GSTCD: variants seen among roughly 807,000 people sequenced by gnomAD.
GSTCD encodes the protein glutathione S-transferase C-terminal domain-containing protein.
GSTCD carries 44 observed loss-of-function variants against 68.3 expected under a neutral mutation model. That is an observed-to-expected ratio of 0.64 (90% CI 0.51 to 0.83). The LOEUF is 0.83. GSTCD is among the 40% of genes least tolerant of loss of function. GSTCD has a pLI of 0.00. For missense variants in GSTCD, 739 were observed against 735.9 expected (o/e 1.00, Z -0.05); for synonymous variants, 273 against 255.2 (o/e 1.07, Z -0.67).
intron 5 of GSTCD, among the ~76,000 whole-genome samples, chr4:105,791,645 G>A (rs534872861): frequency 6.6e-6 from 1 of 151,870 alleles, no homozygotes; most frequent in South Asian, 2.1e-4. Context: ...TTTAAAAATT[G>A]TCTATTTTCT....
At chr4:105,800,733 AGTT>A (rs1736075652) in intron 5 of GSTCD, among the ~76,000 whole-genome samples, 1 of 152,172 alleles carries the variant, frequency 6.6e-6, no homozygotes, top group East Asian at 1.9e-4. Context: ...TATTCGTAGT[AGTT>A]ATGTTTTATG....
At position 105,710,232 on chromosome 4, in the gene GSTCD, A is replaced by ATTTTTTTTTTTT. The variant is rs761574598; in HGVS notation, c.-22+1228_-22+1239dup. On this transcript the variant is annotated intron_variant, in intron 1 of 11. Transcript: ENST00000515279. ...AGCTTCTGTAGTAGTGGGCCCATCA[A>ATTTTTTTTTTTT]TTTTTTTTTTTTTTTTTTTTTTTGA... Among the ~76,000 whole-genome samples, 11 of 85,686 alleles carry ATTTTTTTTTTTT rather than the reference A, an allele frequency of 1.3e-4. 1 individual carries two copies. Among genetic ancestry groups the ATTTTTTTTTTTT allele is most frequent in the African/African-American group, 3.9e-4 (7 of 17,844 alleles). The allele number at this position is 85,686 out of a possible 152,430, so 56.2% of individuals were successfully genotyped here. A position where few individuals can be genotyped will look rare whatever the true frequency, so the allele number is the denominator to read the frequency against.
intron 5 of GSTCD, among the ~76,000 whole-genome samples, chr4:105,822,371 T>C (rs1723344435): frequency 6.6e-6 from 1 of 152,052 alleles, no homozygotes; most frequent in African/African-American, 2.4e-5. Flanking sequence ...ACAGTAACCA[T>C]TGATATATTT....
At chr4:105,755,461 GA>G (rs1315107920) in intron 5 of GSTCD, among the ~76,000 whole-genome samples, 2 of 151,974 alleles carry the variant, frequency 1.3e-5, no homozygotes, top group Non-Finnish European at 2.9e-5. Context: ...TGAGATAGAG[GA>G]AAAACCAAAG....
intron 8 of GSTCD, among the ~76,000 whole-genome samples, chr4:105,833,489 T>C (rs1198349616): frequency 6.6e-6 from 1 of 151,998 alleles, no homozygotes; most frequent in Non-Finnish European, 1.5e-5. Context: ...TTTCTAAAAT[T>C]TACAGAAAAT....
intron 5 of GSTCD, among the ~76,000 whole-genome samples, chr4:105,741,026 A>C (rs774823554): frequency 6.6e-6 from 1 of 152,098 alleles, no homozygotes; most frequent in East Asian, 1.9e-4. Flanking sequence ...TAGATAGAGA[A>C]TTCTTTATAA....
At chr4:105,774,083 T>C (rs1734958983) in intron 5 of GSTCD, among the ~76,000 whole-genome samples, 1 of 152,238 alleles carries the variant, frequency 6.6e-6, no homozygotes, top group African/African-American at 2.4e-5. Context: ...GCTCTTCTTA[T>C]TGCATTGATC....
At chr4:105,731,834 A>G (rs923496723) in intron 5 of GSTCD, among the ~76,000 whole-genome samples, 2 of 152,182 alleles carry the variant, frequency 1.3e-5, no homozygotes, top group Non-Finnish European at 2.9e-5. Flanking sequence ...TGGGTTTGTC[A>G]TAAATAGCTC....
chr4:105,803,872 AC>A (rs1192186782), intron 5 of GSTCD, among the ~76,000 whole-genome samples: 1 of 151,996 alleles, frequency 6.6e-6, no homozygotes, highest in Non-Finnish European at 1.5e-5. Flanking sequence ...TCAAAAGAAA[AC>A]CAACAGAATG....
chr4:105,731,511 C>T (rs1270183930), intron 5 of GSTCD, among the ~76,000 whole-genome samples: 1 of 151,798 alleles, frequency 6.6e-6, no homozygotes, highest in African/African-American at 2.4e-5. Flanking sequence ...TGGGAGTTCA[C>T]TCATAATTTG....
At position 105,845,474 on chromosome 4, in the gene GSTCD, G is replaced by C. The variant is rs750695972; in HGVS notation, c.1799G>C (p.Arg600Pro). 1 of 1,614,102 alleles carries C rather than the reference G, an allele frequency of 6.2e-7. No homozygotes were observed. Among genetic ancestry groups the C allele is most frequent in the Non-Finnish European group, 8.5e-7 (1 of 1,179,998 alleles). Residue 600 changes from arginine (R) to proline (P), a missense_variant, in exon 12 of 12, where the codon CGA (arginine) becomes CCA (proline). Physicochemically the swap from Arg to Pro is moderately radical, Grantham distance 103. Transcript: ENST00000515279. Reference protein sequence around the residue: ...KQCMCLVDLDRARAAEECGYS... With the variant: ...KQCMCLVDLDPARAAEECGYS... ...TGCATGTGCTTGGTGGATCTGGATC[G>C]AGCAAGAGCTGCAGAAGAATGTGGA...
chr4:105,842,109 G>A lies in GSTCD; in HGVS notation c.1740G>A (p.Gln580=). ...LCRFADQTAV[Q]LPPQRRLIGK... ...GATTTGCAGACCAGACAGCTGTCCA[G>A]CTCCCACCCCAACGAAGGCTCATAG... The change falls in exon 11 of 12, where the codon CAG becomes CAA. Residue 580 remains glutamine (Q), a synonymous_variant. Transcript: ENST00000515279. 1 of 1,613,992 alleles carries A rather than the reference G, an allele frequency of 6.2e-7. No homozygotes were observed. Among genetic ancestry groups the A allele is most frequent in the East Asian group, 2.2e-5 (1 of 44,882 alleles).
intron 4 of GSTCD, among the ~76,000 whole-genome samples, chr4:105,728,238 A>G (rs1733106369): frequency 6.6e-6 from 1 of 152,234 alleles, no homozygotes; most frequent in South Asian, 2.1e-4. Context: ...ACAATTGTGA[A>G]TATTATAAAA....
At chr4:105,722,335 C>T (rs1732883824) in intron 3 of GSTCD, among the ~76,000 whole-genome samples, 1 of 152,028 alleles carries the variant, frequency 6.6e-6, no homozygotes, top group African/African-American at 2.4e-5. Context: ...TGGTTGATGC[C>T]ACTTATTTAG....
At chr4:105,765,649 C>G (rs777169122) in intron 5 of GSTCD, among the ~76,000 whole-genome samples, 17 of 152,218 alleles carry the variant, frequency 1.1e-4, no homozygotes, top group Non-Finnish European at 1.9e-4. Flanking sequence ...TGGCCTGGCT[C>G]TGTGTCCCCA....
At chr4:105,785,954 G>A (rs1735449213) in intron 5 of GSTCD, among the ~76,000 whole-genome samples, 1 of 152,100 alleles carries the variant, frequency 6.6e-6, no homozygotes, top group African/African-American at 2.4e-5. Context: ...CACCTGCAAT[G>A]AACAATCTGA....
chr4:105,827,240 C>T (rs1438196257), intron 8 of GSTCD: 2 of 152,292 alleles, frequency 1.3e-5, no homozygotes, highest in East Asian at 3.9e-4. Context: ...ATGTGGACTG[C>T]TACCCATTTA....
intron 5 of GSTCD, among the ~76,000 whole-genome samples, chr4:105,734,976 T>A (rs563403875): frequency 6.6e-6 from 1 of 152,318 alleles, no homozygotes; most frequent in South Asian, 2.1e-4. Context: ...GTATCAGCAG[T>A]GTAGGCTGCA....
intron 5 of GSTCD, among the ~76,000 whole-genome samples, chr4:105,782,542 A>G (rs1245435808): frequency 6.6e-6 from 1 of 152,070 alleles, no homozygotes; most frequent in Non-Finnish European, 1.5e-5. Context: ...GAAAGATAAA[A>G]ACATCATTCA....
Sources: gnomAD v4.1 joint callset for allele counts (sites outside exome capture counted in the v4.1 genomes callset) on GRCh38, gnomAD v4.1.1 for gene constraint, MANE v1.5 for transcripts, NCBI Gene and HGNC (gene_info 2026-07-23, HGNC 2026-07-21) for gene names.